PCDH15: variants seen among roughly 807,000 people sequenced by gnomAD.
The protein encoded by PCDH15 is protocadherin related 15.
Under a neutral mutation model 178.5 loss-of-function variants are expected in PCDH15, and 129 were observed. The observed-to-expected ratio is 0.72, with a 90% CI of 0.63 to 0.84. The LOEUF is 0.84. PCDH15 is among the 40% of genes least tolerant of loss of function. The pLI is 0.00. For synonymous variants in PCDH15, 800 were observed against 732.0 expected, an observed-to-expected ratio of 1.09 and a Z score of -1.50; for missense variants, 2,230 against 2,099.9, an observed-to-expected ratio of 1.06 and a Z score of -1.21.
chr10:54,472,511 C>T (rs1217232245), intron 3 of PCDH15, among the ~76,000 whole-genome samples: 3 of 151,968 alleles, frequency 2.0e-5, no homozygotes, highest in African/African-American at 7.2e-5. Flanking sequence ...TCAAAACCCA[C>T]GTATGAAACA....
Position 54,244,103 on chromosome 10 carries a change from A to G in PCDH15, c.877-7172T>C, listed in dbSNP as rs546588220. The stretch of plus-strand genomic sequence containing the variant: ...TTTCGTATCACATATTAAAACAAAA[A>G]CTCACTTAGCTAACAGAAAATACCC... On this transcript the variant is annotated intron_variant, in intron 8 of 37. Transcript: ENST00000644397. Among the ~76,000 whole-genome samples, 3 of 152,192 alleles carry G rather than the reference A, an allele frequency of 2.0e-5. No homozygotes were observed. In the East Asian group the frequency reaches 5.8e-4, roughly 29 times the overall value.
intron 34 of PCDH15, among the ~76,000 whole-genome samples, chr10:53,817,475 A>T (rs2076100524): frequency 6.6e-6 from 1 of 151,370 alleles, no homozygotes; most frequent in Non-Finnish European, 1.5e-5. Context: ...TCAAAAGTTA[A>T]GTAGTCCTAT....
chr10:53,817,650 T>C (rs2076114657), intron 34 of PCDH15, among the ~76,000 whole-genome samples: 1 of 151,516 alleles, frequency 6.6e-6, no homozygotes, highest in South Asian at 2.1e-4. Context: ...GCCTCCCAAG[T>C]AGCTGGGACT....
intron 26 of PCDH15, among the ~76,000 whole-genome samples, chr10:53,878,509 TAC>T (rs376960385): frequency 0.075 from 10,796 of 143,946 alleles, 1,167 homozygotes; most frequent in African/African-American, 0.24. Flanking sequence ...ATTATATATA[TAC>T]GTGTGTGTGT....
chr10:54,830,896 T>C (rs919678957), intron 3 of PCDH15, among the ~76,000 whole-genome samples: 4 of 152,036 alleles, frequency 2.6e-5, no homozygotes, highest in Non-Finnish European at 4.4e-5. Context: ...TCTGCTTTCC[T>C]CAACTTCTAG....
intron 2 of PCDH15, among the ~76,000 whole-genome samples, chr10:54,615,679 G>A (rs1036433326): frequency 7.0e-6 from 1 of 143,864 alleles, no homozygotes; most frequent in Admixed American, 7.2e-5. Context: ...ACATAAACTA[G>A]GAATGACAAA....
At position 54,421,862 on chromosome 10, in the gene PCDH15, T is replaced by TATATAC. The variant is rs1171038931; in HGVS notation, c.158-42921_158-42920insGTATAT. On this transcript the variant is annotated intron_variant, in intron 3 of 37. Transcript: ENST00000644397. ...TACACACACACTATATATATATATA[T>TATATAC]ACACACACTATATATATATATACAC... 1.7e-4 allele frequency among the ~76,000 whole-genome samples: 19 copies of TATATAC among 113,974 alleles called. 2 individuals carry two copies. The highest frequency in any genetic ancestry group is 3.1e-4 in the African/African-American group (8 of 26,022). 74.8% of individuals were successfully genotyped at this position (113,974 alleles called of 152,430 possible).
At chr10:53,820,456 C>G (rs1266833246) in intron 32 of PCDH15, among the ~76,000 whole-genome samples, 1 of 151,942 alleles carries the variant, frequency 6.6e-6, no homozygotes, top group Non-Finnish European at 1.5e-5. Flanking sequence ...GAAGGGGGCT[C>G]TCAACTTATA....
chr10:54,605,611 CA>C (rs1461115171), intron 2 of PCDH15: 1 of 152,084 alleles, frequency 6.6e-6, no homozygotes, highest in Non-Finnish European at 1.5e-5. Flanking sequence ...TGCCCTGAAA[CA>C]GGTGAGATAC....
At chr10:55,066,111 T>C (rs1277449412) in intron 2 of PCDH15, among the ~76,000 whole-genome samples, 1 of 151,858 alleles carries the variant, frequency 6.6e-6, no homozygotes, top group African/African-American at 2.4e-5. Flanking sequence ...ATCACAAAAA[T>C]TGTCAGCTTA....
intron 2 of PCDH15, among the ~76,000 whole-genome samples, chr10:54,568,970 AAC>A (rs1194993739): frequency 6.6e-6 from 1 of 151,986 alleles, no homozygotes; most frequent in Non-Finnish European, 1.5e-5. Context: ...AAATGTGGGA[AAC>A]AGATTCAAAA....
rs79181102 is a variant in PCDH15 at position 55,509,301 on chromosome 10, A to G, written c.-156+118324T>C. ...TTGAAAGGTGAAGACTGTAACAAAT[A>G]TTACAGCACATAGTTCGCTGTTAAA... is the stretch of plus-strand genomic sequence containing the variant. On this transcript the variant is annotated intron_variant, in intron 2 of 5. Coordinates refer to the PCDH15 transcript ENST00000613346. Among the ~76,000 whole-genome samples, 539 of 151,888 alleles carry G rather than the reference A, an allele frequency of 3.5e-3. 2 individuals carry two copies. Among genetic ancestry groups the G allele is most frequent in the African/African-American group, 0.012 (513 of 41,494 alleles).
chr10:53,900,754 G>A (rs2082281303), intron 26 of PCDH15, among the ~76,000 whole-genome samples: 1 of 152,128 alleles, frequency 6.6e-6, no homozygotes, highest in African/African-American at 2.4e-5. Flanking sequence ...GAGCCCAGGA[G>A]TACAGGGCAA....
intron 13 of PCDH15, among the ~76,000 whole-genome samples, chr10:54,158,178 T>C (rs576513172): frequency 1.4e-4 from 22 of 152,328 alleles, no homozygotes; most frequent in Non-Finnish European, 2.9e-4. Context: ...CTGGTATCAA[T>C]TTACTGTATT....
intron 32 of PCDH15, 120 bp downstream of exon 32, chr10:53,827,273 T>TA: frequency 7.7e-7 from 1 of 1,303,998 alleles, no homozygotes; most frequent in Non-Finnish European, 1.0e-6. Context: ...CTCTTGAAAA[T>TA]AATAGAATAA....
At chr10:54,075,519 G>A (rs368224172) in intron 17 of PCDH15, among the ~76,000 whole-genome samples, 1 of 151,762 alleles carries the variant, frequency 6.6e-6, no homozygotes, top group Non-Finnish European at 1.5e-5. Flanking sequence ...ATTCCAACTT[G>A]TCTATTTTTT....
intron 2 of PCDH15, among the ~76,000 whole-genome samples, chr10:55,019,815 T>C (rs986531112): frequency 5.3e-5 from 8 of 152,226 alleles, no homozygotes; most frequent in African/African-American, 1.2e-4. Flanking sequence ...TCATCTGTAA[T>C]AGTATGTTGA....
intron 2 of PCDH15, among the ~76,000 whole-genome samples, chr10:54,572,917 C>T (rs1035623307): frequency 6.6e-6 from 1 of 152,058 alleles, no homozygotes; most frequent in Non-Finnish European, 1.5e-5. Flanking sequence ...ACTAAAAGCT[C>T]AGCCCCAGTG....
chr10:55,518,352 T>C (rs1349578917), intron 2 of PCDH15, among the ~76,000 whole-genome samples: 1 of 152,104 alleles, frequency 6.6e-6, no homozygotes, highest in East Asian at 1.9e-4. Context: ...TTTGACAATA[T>C]ATCTAACAGT....
Sources: gnomAD v4.1 joint callset for allele counts (sites outside exome capture counted in the v4.1 genomes callset) on GRCh38, gnomAD v4.1.1 for gene constraint, MANE v1.5 for transcripts, NCBI Gene and HGNC (gene_info 2026-07-23, HGNC 2026-07-21) for gene names.